Variants in PC observed in about 807,000 individuals in gnomAD.
PC encodes the protein pyruvate carboxylase, mitochondrial.
PC carries 46 observed loss-of-function variants against 107.8 expected under a neutral mutation model. That is an observed-to-expected ratio of 0.43 (90% CI 0.34 to 0.55). The LOEUF is 0.55. Among genes scored for constraint, PC ranks in the 20% least tolerant of loss-of-function variants. PC has a pLI of 0.04. For synonymous variants in PC, 662 were observed against 684.7 expected (o/e 0.97, Z 0.52); for missense variants, 1,241 against 1,643.1 (o/e 0.76, Z 4.23).
intron 3 of PC, among the ~76,000 whole-genome samples, chr11:66,938,379 C>T (rs1949048926): frequency 6.6e-6 from 1 of 152,056 alleles, no homozygotes; most frequent in Non-Finnish European, 1.5e-5. Context: ...CTCACTCCAC[C>T]ACTCCCCAGC....
chr11:66,855,415 T>C (rs1191538536), intron 12 of PC, among the ~76,000 whole-genome samples: 1 of 152,196 alleles, frequency 6.6e-6, no homozygotes. Context: ...CCCTGGTTAA[T>C]GCGATTCTCG....
chr11:66,854,480 G>A (rs560850467), intron 12 of PC, among the ~76,000 whole-genome samples: 204 of 152,330 alleles, frequency 1.3e-3, no homozygotes, highest in Non-Finnish European at 2.2e-3. Flanking sequence ...TTGTGCACAG[G>A]GGCCCTCGGT....
chr11:66,932,086 C>T (rs1021367927), intron 3 of PC, among the ~76,000 whole-genome samples: 1 of 151,710 alleles, frequency 6.6e-6, no homozygotes, highest in African/African-American at 2.4e-5. Flanking sequence ...GGGCAGACCA[C>T]CTCCAAGAGG....
intron 12 of PC, chr11:66,860,019 C>T (rs1288909660): frequency 1.3e-6 from 2 of 1,588,684 alleles, no homozygotes; most frequent in South Asian, 1.1e-5. Context: ...GAGCCCCCCG[C>T]CCCGGCCGCA....
chr11:66,849,128 T>G lies in PC; in HGVS notation c.3308A>C (p.Lys1103Thr). The G allele has an allele frequency of 6.2e-7, 1 of 1,614,004 alleles. No homozygotes were observed. The highest frequency in any genetic ancestry group is 8.5e-7 in the Non-Finnish European group (1 of 1,180,026). ...CTGGCCCTTCACGTCCTTTAGGGCC[T>G]TGGGGTGGAAGTGCATCTCCTGAAG... ...QAMKEMHFHP[K>T]ALKDVKGQIG... The change falls in exon 23 of 23, where the codon AAG (lysine) becomes ACG (threonine). Residue 1103 changes from lysine (K) to threonine (T), a missense_variant. Around this residue, in one of 2 missense-constraint regions of PC, gnomAD observed 1,143 missense variants for 1,551.9 expected, o/e 0.74. Coordinates refer to ENST00000393960, the MANE Select transcript of PC (RefSeq NM_001040716.2).
chr11:66,859,174 C>A (rs1946085299), intron 12 of PC: 2 of 1,422,454 alleles, frequency 1.4e-6, no homozygotes, highest in African/African-American at 1.5e-5. Flanking sequence ...TTTGCTTCCA[C>A]CCCTCCTCTC....
At chr11:66,899,012 A>C (rs1219678767) in intron 3 of PC, among the ~76,000 whole-genome samples, 2 of 152,118 alleles carry the variant, frequency 1.3e-5, no homozygotes, top group Non-Finnish European at 2.9e-5. Flanking sequence ...CTGGGATTAC[A>C]GGCATGCGCC....
chr11:66,911,888 C>T (rs866230151), intron 3 of PC, among the ~76,000 whole-genome samples: 2 of 151,896 alleles, frequency 1.3e-5, no homozygotes, highest in African/African-American at 4.8e-5. Context: ...AAAAATTAGC[C>T]GGGTGTGGTG....
intron 22 of PC, 23 bp downstream of exon 22, chr11:66,849,207 G>C: frequency 6.2e-7 from 1 of 1,613,768 alleles, no homozygotes; most frequent in South Asian, 1.1e-5. Flanking sequence ...CCACCGCCTG[G>C]CTGGCCCTGG....
At chr11:66,955,834 G>A (rs1219124896) in intron 1 of PC, among the ~76,000 whole-genome samples, 1 of 151,546 alleles carries the variant, frequency 6.6e-6, no homozygotes, top group African/African-American at 2.4e-5. Context: ...GTGCAGGGGC[G>A]TGATCTCAGC....
chr11:66,879,449 G>C (rs1200290545), intron 3 of PC, among the ~76,000 whole-genome samples: 10 of 152,214 alleles, frequency 6.6e-5, no homozygotes, highest in South Asian at 2.1e-4. Flanking sequence ...TTGCAGAGAG[G>C]GGGGCACCTG....
chr11:66,868,919 G>C lies in PC; in HGVS notation c.949C>G (p.His317Asp), dbSNP rs1347482940. ...AGTVEFLVDR[H>D]GKHYFIEVNS... ...ACCTCGATGAAGTAGTGCTTGCCGT[G>C]CCTGTCCACCAGGAACTCCACGGTG... Residue 317 changes from histidine to aspartate, a missense_variant, in exon 10 of 23, where the codon CAC becomes GAC. Physicochemically the swap from His to Asp is moderately conservative, Grantham distance 81. Transcript: ENST00000393960. 3 of 1,613,762 alleles carry C rather than the reference G, an allele frequency of 1.9e-6. No homozygotes were observed. The highest frequency in any genetic ancestry group is 2.5e-6 in the Non-Finnish European group (3 of 1,179,934).
intron 3 of PC, among the ~76,000 whole-genome samples, chr11:66,897,354 T>C (rs1320920689): frequency 6.6e-6 from 1 of 152,216 alleles, no homozygotes; most frequent in Non-Finnish European, 1.5e-5. Flanking sequence ...GCAGATTACC[T>C]GAGGCCAAGA....
intron 3 of PC, among the ~76,000 whole-genome samples, chr11:66,935,621 A>C (rs1325207127): frequency 6.6e-6 from 1 of 152,140 alleles, no homozygotes; most frequent in East Asian, 1.9e-4. Flanking sequence ...CATCCTGTGG[A>C]ACGGCAGCAT....
In PC at chr11:66,848,595, A is replaced by G; in HGVS notation, c.*304T>C. ...GACATCTTAGATCTCCCCTTCCCCCAGGAGATAGGACCCCTAAACCTCCCC... is the reference window on the plus strand; with the variant it reads ...GACATCTTAGATCTCCCCTTCCCCCGGGAGATAGGACCCCTAAACCTCCCC... On this transcript the variant is annotated 3_prime_UTR_variant, in exon 23 of 23. Transcript: ENST00000393960. 2 of 599,600 alleles carry G rather than the reference A, an allele frequency of 3.3e-6. No homozygotes were observed. Among genetic ancestry groups the G allele is most frequent in the Admixed American group, 3.0e-5 (1 of 33,764 alleles). The allele number at this position is 599,600 out of a possible 1,614,324, so 37.1% of individuals were successfully genotyped here. A position where few individuals can be genotyped will look rare whatever the true frequency, so the allele number is the denominator to read the frequency against.
intron 12 of PC, among the ~76,000 whole-genome samples, chr11:66,862,931 A>C (rs965975686): frequency 2.0e-5 from 3 of 152,226 alleles, no homozygotes; most frequent in Admixed American, 2.0e-4. Flanking sequence ...TGTGTGCACC[A>C]GGCCAGGTGA....
chr11:66,923,104 C>T (rs928382279), intron 3 of PC, among the ~76,000 whole-genome samples: 3 of 152,060 alleles, frequency 2.0e-5, no homozygotes, highest in African/African-American at 4.8e-5. Flanking sequence ...CGGTGGCTCA[C>T]GCCTGTAATC....
At chr11:66,957,422 G>T (rs1591328901) in intron 1 of PC, among the ~76,000 whole-genome samples, 1 of 152,240 alleles carries the variant, frequency 6.6e-6, no homozygotes, top group Non-Finnish European at 1.5e-5. Context: ...TTCGAGACCA[G>T]CCTGGGCAAC....
chr11:66,883,291 A>C (rs1299444127), intron 3 of PC, among the ~76,000 whole-genome samples: 1 of 152,198 alleles, frequency 6.6e-6, no homozygotes, highest in Non-Finnish European at 1.5e-5. Flanking sequence ...TGGCTGCTCC[A>C]TCCCAGCCTC....
Sources: allele counts gnomAD v4.1 joint callset (sites outside exome capture counted in the v4.1 genomes callset), GRCh38; gene constraint gnomAD v4.1.1; regional missense constraint gnomAD v4.1.1; transcripts MANE v1.5; gene names NCBI Gene and HGNC (gene_info 2026-07-23, HGNC 2026-07-21).